Variants in DNM1 observed in about 807,000 individuals in gnomAD.
DNM1 encodes the protein dynamin-1.
DNM1 carries 29 observed loss-of-function variants against 104.6 expected under a neutral mutation model. The observed-to-expected ratio is 0.28, with a 90% CI of 0.21 to 0.38. The LOEUF (loss-of-function observed/expected upper bound fraction) is 0.38. DNM1 is among the 10% of genes least tolerant of loss of function. The pLI, the probability that DNM1 is intolerant of heterozygous loss-of-function variation, is 1.00. For synonymous variants in DNM1, 445 were observed against 475.8 expected, an observed-to-expected ratio of 0.94 and a Z score of 0.84; for missense variants, 640 against 1,189.4, an observed-to-expected ratio of 0.54 and a Z score of 6.79.
chr9:128,218,777 G>GC lies in DNM1; in HGVS notation c.385+48dup. ...CTAACCTCTAAGAATCATTTTCTTG[G>GC]CCACGCACCTCTGCGTGCCTCGCTC... On this transcript the variant is annotated intron_variant, in intron 3 of 21. Transcript: ENST00000372923. The surrounding 1 kb of genome is among the most constrained non-coding windows in gnomAD (Gnocchi z 4.8). 1 of 1,548,660 alleles carries GC rather than the reference G, an allele frequency of 6.5e-7. No individual in the cohort carries two copies. The highest frequency in any genetic ancestry group is 8.7e-7 in the Non-Finnish European group (1 of 1,144,990).
intron 21 of DNM1, chr9:128,252,488 G>A (rs1254126591): frequency 2.5e-6 from 1 of 400,264 alleles, no homozygotes; most frequent in Admixed American, 3.0e-5. Context: ...TGGGCCAAGA[G>A]CTGCAGTGTG....
In DNM1 at chr9:128,254,603, TCTC is replaced by T. The variant is rs770104623; in HGVS notation, c.2535-47_2535-45del. On this transcript the variant is annotated intron_variant, in intron 21 of 21. Transcript: ENST00000372923. This position sits in a 1 kb window ranked among gnomAD's most constrained non-coding sequence, Gnocchi z 6.1. ...TGTGCTGCGCTTGCCTTACCAGCTCTCTCCTCGCTTTTCTCTCCCGTTTTCTCT... is the reference window on the plus strand; with the variant it reads ...TGTGCTGCGCTTGCCTTACCAGCTCTCTCGCTTTTCTCTCCCGTTTTCTCT... 1.1e-4 allele frequency: 166 copies of T among 1,565,488 alleles called. 2 individuals are homozygous for T. The South Asian group carries it at 1.7e-3, about 16-fold the overall frequency.
chr9:128,229,170 T>C (rs1368599371), intron 10 of DNM1, among the ~76,000 whole-genome samples: 1 of 151,886 alleles, frequency 6.6e-6, no homozygotes, highest in Non-Finnish European at 1.5e-5. Context: ...AGCGGGAGGA[T>C]TGCTTGAGGC....
chr9:128,251,001 G>A (rs901206105), intron 21 of DNM1, 61 bp downstream of exon 21: 1 of 1,061,206 alleles, frequency 9.4e-7, no homozygotes, highest in Non-Finnish European at 1.4e-6. Flanking sequence ...GGAGGGAAAT[G>A]GGGCTGGATT....
chr9:128,221,064 T>C (rs1347231103), intron 6 of DNM1: 2 of 127,712 alleles, frequency 1.6e-5, no homozygotes, highest in Admixed American at 7.7e-5. Flanking sequence ...TTTCTCTCTT[T>C]CTTTCTCTCT....
At position 128,203,692 on chromosome 9, in the gene DNM1, C is replaced by G. The variant is rs552678023; in HGVS notation, c.161+61C>G. On this transcript the variant is annotated intron_variant, in intron 1 of 21. Coordinates refer to ENST00000372923, the MANE Select transcript of DNM1 (RefSeq NM_004408.4). The surrounding 1 kb of genome is among the most constrained non-coding windows in gnomAD (Gnocchi z 5.3). The stretch of plus-strand genomic sequence containing the variant: ...CCCCCGGGATCCCTGGAGTCCCCGC[C>G]CGGGGCACTGACGGCGCGGCGACCT... The G allele has an allele frequency of 9.2e-5, 128 of 1,386,610 alleles. No individual in the cohort carries two copies. The African/African-American group carries it at 1.8e-3, about 19-fold the overall frequency. 85.9% of individuals were successfully genotyped at this position (1,386,610 alleles called of 1,614,324 possible).
chr9:128,235,422 A>G (rs1381225174), intron 11 of DNM1, among the ~76,000 whole-genome samples: 1 of 151,928 alleles, frequency 6.6e-6, no homozygotes, highest in Non-Finnish European at 1.5e-5. Context: ...TGAACCCGGG[A>G]GGCAGAGATT....
Position 128,246,246 on chromosome 9 carries a change from C to G in DNM1, c.1672-148C>G, listed in dbSNP as rs186892072. On this transcript the variant is annotated intron_variant, in intron 15 of 21. Transcript: ENST00000372923. ...GGCGGTGCCCAGGAGGCCTACGGTC[C>G]GTGGCCAGGCTTTTATCTAGCTGCA... 1,129 of 642,796 alleles carry G rather than the reference C, an allele frequency of 1.8e-3. 8 individuals carry two copies. The African/African-American group carries it at 0.019, about 11-fold the overall frequency. 39.8% of individuals were successfully genotyped at this position (642,796 alleles called of 1,614,324 possible). A position where few individuals can be genotyped will look rare whatever the true frequency, so the allele number is the denominator to read the frequency against.
At chr9:128,217,927 G>A (rs1163112006) in intron 1 of DNM1, among the ~76,000 whole-genome samples, 2 of 152,210 alleles carry the variant, frequency 1.3e-5, no homozygotes, top group African/African-American at 2.4e-5. Context: ...CTGAATGGCC[G>A]TGGCTGAGTT....
chr9:128,248,191 G>C lies in DNM1; in HGVS notation c.1905+256G>C. 1 of 550,352 alleles carries C rather than the reference G, an allele frequency of 1.8e-6. No individual in the cohort carries two copies. Among genetic ancestry groups the C allele is most frequent in the East Asian group, 3.3e-5 (1 of 30,726 alleles). The allele number at this position is 550,352 out of a possible 1,614,324, so 34.1% of individuals were successfully genotyped here. ...AAAATACAAAAATTAGCCAGGCATGGTGGTGCGCGCCTGTAATCCCAGCTA... is the reference window on the plus strand; with the variant it reads ...AAAATACAAAAATTAGCCAGGCATGCTGGTGCGCGCCTGTAATCCCAGCTA... On this transcript the variant is annotated intron_variant, in intron 18 of 21. Transcript: ENST00000372923. The surrounding 1 kb of genome is among the most constrained non-coding windows in gnomAD (Gnocchi z 5.6).
rs748276162 is a variant in DNM1 at position 128,253,156 on chromosome 9, G to A, written c.2535-1498G>A. On this transcript the variant is annotated intron_variant, in intron 21 of 21. Transcript: ENST00000372923. The surrounding 1 kb of genome is among the most constrained non-coding windows in gnomAD (Gnocchi z 5.9). ...AGCCATGGTAGGTACATGCCTCACC[G>A]CCTGCTGCATGAACGGTGTGTCTGC... is the stretch of plus-strand genomic sequence containing the variant. 6.6e-5 allele frequency: 105 copies of A among 1,601,172 alleles called. No homozygotes were observed. In the East Asian group the frequency reaches 2.1e-3, roughly 32 times the overall value.
intron 13 of DNM1, 70 bp downstream of exon 13, chr9:128,239,849 C>A: frequency 1.3e-6 from 2 of 1,578,042 alleles, no homozygotes; most frequent in Non-Finnish European, 1.7e-6. Context: ...CTGAGAGCCC[C>A]CTCCCCTGAG....
At chr9:128,249,834 G>C (rs1189867407) in intron 19 of DNM1, among the ~76,000 whole-genome samples, 1 of 143,672 alleles carries the variant, frequency 7.0e-6, no homozygotes, top group African/African-American at 2.6e-5. Context: ...CCAGGAAGAA[G>C]AAAAAAAAAA....
chr9:128,247,691 C>G lies in DNM1; in HGVS notation c.1893+205C>G, dbSNP rs1284220100. ...TCCTTCTCCAGTGGCAGTTTTGTGT[C>G]TCTGTCTCTGTTGCAGATGGCATTT... On this transcript the variant is annotated intron_variant, in intron 17 of 21. Transcript: ENST00000372923. The surrounding 1 kb of genome is among the most constrained non-coding windows in gnomAD (Gnocchi z 5.1). Among the ~76,000 whole-genome samples, 1 of 152,146 alleles carries G rather than the reference C, an allele frequency of 6.6e-6. No homozygotes were observed. The highest frequency in any genetic ancestry group is 2.4e-5 in the African/African-American group (1 of 41,418).
At chr9:128,252,035 A>G (rs1312240307) in intron 21 of DNM1, 1 of 188,010 alleles carries the variant, frequency 5.3e-6, no homozygotes, top group East Asian at 1.8e-4. Flanking sequence ...AGAGGACTGG[A>G]CTGGGAGTCC....
intron 11 of DNM1, 28 bp downstream of exon 11, chr9:128,234,135 G>T (rs192721276): frequency 1.5e-5 from 23 of 1,498,790 alleles, no homozygotes; most frequent in Non-Finnish European, 2.1e-5. Context: ...CGGCCTGGCC[G>T]CGCCTTCCTT....
intron 10 of DNM1, chr9:128,226,044 C>T (rs1210632836): frequency 1.2e-6 from 2 of 1,612,636 alleles, no homozygotes; most frequent in Non-Finnish European, 1.7e-6. Context: ...GGACGGGCCT[C>T]TTCACACCTG....
At position 128,254,720 on chromosome 9, in the gene DNM1, T is replaced by A. The variant is rs766139015; in HGVS notation, c.*6T>A. On this transcript the variant is annotated 3_prime_UTR_variant, in exon 22 of 22. Transcript: ENST00000372923. The surrounding 1 kb of genome is among the most constrained non-coding windows in gnomAD (Gnocchi z 6.1). ...GGCCCCCCTTCGACCTCTAAACAGA[T>A]CCCTCCTCTTCTCGGAGACCTCCCT... The A allele has an allele frequency of 1.3e-6, 2 of 1,595,328 alleles. No individual in the cohort carries two copies. The highest frequency in any genetic ancestry group is 1.7e-6 in the Non-Finnish European group (2 of 1,179,234).
In DNM1 at chr9:128,220,002, G is replaced by T; in HGVS notation, c.604G>T (p.Gly202Trp). ...EVDPQGQRTIGVITKLDLMDE... is the reference protein window; with the variant it reads ...EVDPQGQRTIWVITKLDLMDE... ...GGTGCACCCAGGCCAGCGCACCATC[G>T]GGGTCATCACCAAGCTGGACCTGAT... is the stretch of plus-strand genomic sequence containing the variant. Residue 202 changes from glycine to tryptophan, a missense_variant, in exon 5 of 22, where the codon GGG (glycine) becomes TGG (tryptophan). By Grantham distance (184) the Gly-to-Trp change is radical. This residue lies in a region of DNM1 where 172 missense variants were observed against 335.3 expected (regional missense o/e 0.51). Transcript: ENST00000372923. The surrounding 1 kb of genome is among the most constrained non-coding windows in gnomAD (Gnocchi z 5.2). 6.3e-7 allele frequency: 1 copy of T among 1,587,192 alleles called. No individual in the cohort carries two copies. Among genetic ancestry groups the T allele is most frequent in the Admixed American group, 1.8e-5 (1 of 55,480 alleles).
Sources: gnomAD v4.1 joint callset for allele counts (sites outside exome capture counted in the v4.1 genomes callset) on GRCh38, gnomAD v4.1.1 for gene constraint, gnomAD v4.1.1 regional missense constraint, Gnocchi (gnomAD v3.1) non-coding constraint, MANE v1.5 for transcripts, NCBI Gene and HGNC (gene_info 2026-07-23, HGNC 2026-07-21) for gene names.